The following FOXP2 variants were observed in gnomAD, a reference collection of about 807,000 sequenced individuals.
The protein encoded by FOXP2 is forkhead box P2.
Under a neutral mutation model 115.8 loss-of-function variants are expected in FOXP2, and 12 were observed. That is an observed-to-expected ratio of 0.10 (90% CI 0.07 to 0.17). The LOEUF is 0.17. FOXP2 is among the 10% of genes least tolerant of loss of function. The pLI, the probability that FOXP2 is intolerant of heterozygous loss-of-function variation, is 1.00. For synonymous variants in FOXP2, 328 were observed against 297.7 expected (o/e 1.10, Z -1.05); for missense variants, 629 against 843.5 (o/e 0.75, Z 3.15).
chr7:114,521,689 A>C (rs73718516), intron 2 of FOXP2, among the ~76,000 whole-genome samples: 4,599 of 152,210 alleles, frequency 0.03, 186 homozygotes, highest in African/African-American at 0.092. Flanking sequence ...ATCTTCACTT[A>C]AAAAAATAAT....
chr7:114,639,737 G>A (rs1805421462), intron 6 of FOXP2, among the ~76,000 whole-genome samples: 1 of 152,120 alleles, frequency 6.6e-6, no homozygotes, highest in African/African-American at 2.4e-5. Context: ...GCAACAGAAG[G>A]CTGGTATAAC....
chr7:114,188,551 C>CT (rs1334621349), intron 1 of FOXP2, among the ~76,000 whole-genome samples: 6 of 151,952 alleles, frequency 3.9e-5, no homozygotes, highest in African/African-American at 7.3e-5. Flanking sequence ...CTCCTCAATC[C>CT]TTTTTTTTAT....
chr7:114,400,051 G>T (rs556420274), intron 2 of FOXP2, among the ~76,000 whole-genome samples: 25 of 151,770 alleles, frequency 1.6e-4, no homozygotes, highest in African/African-American at 5.3e-4. Flanking sequence ...GAGACGGGGG[G>T]GTTTCACCAT....
At chr7:114,612,999 T>A (rs1803714715) in intron 3 of FOXP2, among the ~76,000 whole-genome samples, 5 of 152,212 alleles carry the variant, frequency 3.3e-5, no homozygotes, top group African/African-American at 1.2e-4. Context: ...TGTTACTTTG[T>A]CAGTGGTTTT....
chr7:114,334,153 C>T (rs1048661982), intron 2 of FOXP2, among the ~76,000 whole-genome samples: 1 of 151,834 alleles, frequency 6.6e-6, no homozygotes, highest in African/African-American at 2.4e-5. Context: ...AATTGAAATA[C>T]CTTGGATTAT....
At chr7:114,211,136 TG>T (rs1245207275) in intron 1 of FOXP2, among the ~76,000 whole-genome samples, 1 of 152,140 alleles carries the variant, frequency 6.6e-6, no homozygotes, top group African/African-American at 2.4e-5. Flanking sequence ...ACTTACGAGG[TG>T]CCGTGGAATT....
intron 2 of FOXP2, among the ~76,000 whole-genome samples, chr7:114,327,718 T>C (rs1447996361): frequency 1.3e-5 from 2 of 152,032 alleles, no homozygotes; most frequent in African/African-American, 2.4e-5. Flanking sequence ...GCCAGGCTGG[T>C]CTCAAACTCC....
chr7:114,130,644 G>T (rs2894692), intron 1 of FOXP2, among the ~76,000 whole-genome samples: 1 of 152,098 alleles, frequency 6.6e-6, no homozygotes, highest in African/African-American at 2.4e-5. Flanking sequence ...ATATTTATGG[G>T]TTTAACTTTT....
intron 2 of FOXP2, among the ~76,000 whole-genome samples, chr7:114,466,825 C>A (rs1795817177): frequency 6.6e-6 from 1 of 152,156 alleles, no homozygotes; most frequent in Non-Finnish European, 1.5e-5. Flanking sequence ...TTAAGGTTTT[C>A]TTTTTGCTTT....
intron 1 of FOXP2, among the ~76,000 whole-genome samples, chr7:114,206,399 G>A (rs1175324881): frequency 6.6e-6 from 1 of 152,062 alleles, no homozygotes; most frequent in African/African-American, 2.4e-5. Flanking sequence ...AAACATGCCA[G>A]GTTATCTCCT....
intron 1 of FOXP2, among the ~76,000 whole-genome samples, chr7:114,246,715 T>C (rs1055698496): frequency 6.6e-6 from 1 of 152,160 alleles, no homozygotes; most frequent in Non-Finnish European, 1.5e-5. Context: ...CATCGATGCC[T>C]GGTTTTCAAA....
At chr7:114,641,331 T>C (rs1805516792) in intron 6 of FOXP2, among the ~76,000 whole-genome samples, 1 of 152,308 alleles carries the variant, frequency 6.6e-6, no homozygotes, top group South Asian at 2.1e-4. Flanking sequence ...AGTTAAAAAC[T>C]AAATGATTAT....
chr7:114,121,740 T>G (rs1421195630), intron 1 of FOXP2, among the ~76,000 whole-genome samples: 1 of 152,062 alleles, frequency 6.6e-6, no homozygotes, highest in Non-Finnish European at 1.5e-5. Flanking sequence ...GTTGTTTAGT[T>G]AAGGAGATAT....
At chr7:114,665,469 T>G (rs1807114390) in intron 16 of FOXP2, 1 of 152,120 alleles carries the variant, frequency 6.6e-6, no homozygotes, top group Non-Finnish European at 1.5e-5. Context: ...AATATACTCT[T>G]TATATGTACC....
chr7:114,255,484 G>C (rs1584583580), intron 1 of FOXP2, among the ~76,000 whole-genome samples: 1 of 152,322 alleles, frequency 6.6e-6, no homozygotes, highest in South Asian at 2.1e-4. Flanking sequence ...TGAAGACTCA[G>C]CAACTGCGGG....
chr7:114,629,768 T>C, intron 4 of FOXP2, 37 bp from the exon 5 acceptor site: 1 of 1,613,782 alleles, frequency 6.2e-7, no homozygotes, highest in Non-Finnish European at 8.5e-7. Flanking sequence ...CGTGAAACTT[T>C]TGCCTTTATT....
At chr7:114,243,751 G>T (rs979692421) in intron 1 of FOXP2, among the ~76,000 whole-genome samples, 1 of 152,100 alleles carries the variant, frequency 6.6e-6, no homozygotes, top group African/African-American at 2.4e-5. Context: ...CTCTGGGTAT[G>T]TGAGAGAGAG....
At chr7:114,132,421 A>G (rs1285057782) in intron 1 of FOXP2, among the ~76,000 whole-genome samples, 1 of 152,168 alleles carries the variant, frequency 6.6e-6, no homozygotes, top group African/African-American at 2.4e-5. Flanking sequence ...ACATAAAAAA[A>G]TCACTTATCT....
chr7:114,366,361 A>G (rs1791882183), intron 2 of FOXP2: 1 of 152,216 alleles, frequency 6.6e-6, no homozygotes, highest in African/African-American at 2.4e-5. Context: ...ATCATAGAGT[A>G]AACGATGGAT....
Sources: allele counts gnomAD v4.1 joint callset (sites outside exome capture counted in the v4.1 genomes callset), GRCh38; gene constraint gnomAD v4.1.1; transcripts MANE v1.5; gene names NCBI Gene and HGNC (gene_info 2026-07-23, HGNC 2026-07-21).